Variants in FMO1 observed in about 807,000 individuals in gnomAD.
FMO1 encodes flavin-containing monooxygenase 1.
In FMO1, 36 loss-of-function variants were observed where a neutral mutation model predicts 45.4. That is an observed-to-expected ratio of 0.79 (90% CI 0.61 to 1.05). FMO1 has a LOEUF of 1.05. FMO1 is among the 50% of genes least tolerant of loss of function. FMO1 has a pLI of 0.00. For synonymous variants in FMO1, 228 were observed against 227.2 expected, an observed-to-expected ratio of 1.00 and a Z score of -0.03; for missense variants, 615 against 640.3, an observed-to-expected ratio of 0.96 and a Z score of 0.43.
intron 2 of FMO1, among the ~76,000 whole-genome samples, chr1:171,258,862 G>A (rs1004068912): frequency 7.2e-5 from 11 of 152,118 alleles, no homozygotes; most frequent in Non-Finnish European, 1.2e-4. Context: ...GGTGAGGACC[G>A]AGGAAAGGGG....
At chr1:171,256,895 T>C (rs16864258) in intron 1 of FMO1, among the ~76,000 whole-genome samples, 18,964 of 152,070 alleles carry the variant, frequency 0.12, 1,202 homozygotes, top group Admixed American at 0.17. Context: ...CACAAAAATA[T>C]ATTGGGGGAA....
chr1:171,274,171 A>G (rs976984741), intron 3 of FMO1, among the ~76,000 whole-genome samples: 56 of 151,398 alleles, frequency 3.7e-4, no homozygotes, highest in Middle Eastern at 3.4e-3. Flanking sequence ...AAAAAAGTAA[A>G]CACAAATAGC....
chr1:171,283,265 T>TAAA (rs35331306), intron 8 of FMO1, 49 bp downstream of exon 8: 18 of 74,734 alleles, frequency 2.4e-4, no homozygotes, highest in African/African-American at 8.2e-4. Context: ...CTGAAATTGG[T>TAAA]AAAAAAAAAA....
chr1:171,260,877 C>T (rs1228704988), intron 2 of FMO1, among the ~76,000 whole-genome samples: 5 of 137,608 alleles, frequency 3.6e-5, no homozygotes, highest in African/African-American at 1.4e-4. Flanking sequence ...TGTACCACTG[C>T]ACTCCAGCCT....
At chr1:171,278,894 T>A in intron 5 of FMO1, 23 bp downstream of exon 5, 2 of 1,570,122 alleles carry the variant, frequency 1.3e-6, no homozygotes, top group Non-Finnish European at 1.7e-6. Context: ...TGTTACTGGG[T>A]GAAGAGCTTT....
intron 2 of FMO1, among the ~76,000 whole-genome samples, chr1:171,263,694 C>T (rs539305481): frequency 6.6e-6 from 1 of 152,184 alleles, no homozygotes; most frequent in Non-Finnish European, 1.5e-5. Context: ...TCTCCTAAGT[C>T]GCCCCATCCA....
At chr1:171,277,510 CTCTG>C (rs1244708568) in intron 4 of FMO1, among the ~76,000 whole-genome samples, 1 of 152,098 alleles carries the variant, frequency 6.6e-6, no homozygotes, top group Non-Finnish European at 1.5e-5. Flanking sequence ...TAAGTTCTTA[CTCTG>C]TCTTTCTGTG....
intron 4 of FMO1, among the ~76,000 whole-genome samples, chr1:171,277,593 C>CT (rs1266084153): frequency 1.3e-5 from 2 of 152,040 alleles, no homozygotes; most frequent in Admixed American, 6.6e-5. Flanking sequence ...TTGTGACCCC[C>CT]CAAAACAAAG....
intron 1 of FMO1, chr1:171,257,615 C>A (rs1253054338): frequency 1.1e-5 from 2 of 186,882 alleles, no homozygotes; most frequent in South Asian, 2.1e-4. Flanking sequence ...CCCAACTCCA[C>A]CCCACCAGCT....
At chr1:171,274,264 AG>A (rs1026548478) in intron 3 of FMO1, among the ~76,000 whole-genome samples, 9 of 150,582 alleles carry the variant, frequency 6.0e-5, no homozygotes, top group African/African-American at 2.0e-4. Context: ...TTTAATGACA[AG>A]CTTTTTTTTT....
intron 1 of FMO1, among the ~76,000 whole-genome samples, chr1:171,250,605 C>CA (rs143251278): frequency 0.021 from 3,255 of 152,146 alleles, 99 homozygotes; most frequent in African/African-American, 0.072. Context: ...ATAAAATTCA[C>CA]AAAAAAGCAT....
At chr1:171,254,256 CT>C (rs1036460474) in intron 1 of FMO1, among the ~76,000 whole-genome samples, 1 of 152,096 alleles carries the variant, frequency 6.6e-6, no homozygotes, top group Non-Finnish European at 1.5e-5. Flanking sequence ...GCCCAGCTAA[CT>C]TTTTTGTATT....
At chr1:171,264,781 CCCAACTACTCGGGAGG>C (rs1463412296) in intron 2 of FMO1, among the ~76,000 whole-genome samples, 1 of 152,022 alleles carries the variant, frequency 6.6e-6, no homozygotes, top group Non-Finnish European at 1.5e-5. Flanking sequence ...CGCCTGTAGT[CCCAACTACTCGGGAGG>C]CCGAGGCAGG....
chr1:171,285,635 C>T lies in FMO1; in HGVS notation c.*91C>T. On this transcript the variant is annotated 3_prime_UTR_variant, in exon 9 of 9. Coordinates refer to ENST00000617670, the MANE Select transcript of FMO1 (RefSeq NM_001282693.2). ...GCAATATTGCCTTCACAGTTATAAA[C>T]TGTATTCAAATAGTAAAGGCCACCC... 1.3e-6 allele frequency: 1 copy of T among 793,686 alleles called. No homozygotes were observed. The highest frequency in any genetic ancestry group is 2.9e-5 in the East Asian group (1 of 34,518). 49.2% of individuals were successfully genotyped at this position (793,686 alleles called of 1,614,324 possible).
chr1:171,251,991 G>A (rs540002624), intron 1 of FMO1, among the ~76,000 whole-genome samples: 18 of 152,164 alleles, frequency 1.2e-4, no homozygotes, highest in African/African-American at 4.3e-4. Context: ...CCAATAAACA[G>A]CGGTGGCATG....
chr1:171,284,704 C>T (rs1162663396), intron 8 of FMO1, among the ~76,000 whole-genome samples: 2 of 147,870 alleles, frequency 1.4e-5, no homozygotes, highest in African/African-American at 5.0e-5. Flanking sequence ...TGCACTCCAG[C>T]CTAGGTGACA....
In FMO1 at chr1:171,253,016, T is replaced by C. The variant is rs146889575; in HGVS notation, c.-7+4393T>C. Among the ~76,000 whole-genome samples, 369 of 152,358 alleles carry C rather than the reference T, an allele frequency of 2.4e-3. 1 individual carries two copies. Among genetic ancestry groups the C allele is most frequent in the African/African-American group, 8.6e-3 (357 of 41,590 alleles). Reference sequence around the variant, plus strand: ...TTGATATTGTGCGCCTCCACATTCATGTGCTCTCATGTTGGCTTTTCTCAC... The same window carrying C: ...TTGATATTGTGCGCCTCCACATTCACGTGCTCTCATGTTGGCTTTTCTCAC... On this transcript the variant is annotated intron_variant, in intron 1 of 8. Coordinates refer to ENST00000617670, the MANE Select transcript of FMO1 (RefSeq NM_001282693.2).
chr1:171,271,375 T>A, intron 3 of FMO1: 1 of 1,201,972 alleles, frequency 8.3e-7, no homozygotes, highest in Non-Finnish European at 1.2e-6. Context: ...CACTTCTCTT[T>A]CATAATGGGC....
intron 2 of FMO1, among the ~76,000 whole-genome samples, chr1:171,260,320 A>C (rs1660322815): frequency 6.6e-6 from 1 of 152,218 alleles, no homozygotes; most frequent in African/African-American, 2.4e-5. Context: ...TTTGTAGGCA[A>C]ATAGAAACTA....
Sources: allele counts gnomAD v4.1 joint callset (sites outside exome capture counted in the v4.1 genomes callset), GRCh38; gene constraint gnomAD v4.1.1; transcripts MANE v1.5; gene names NCBI Gene and HGNC (gene_info 2026-07-23, HGNC 2026-07-21).